MOB1B: variants seen among roughly 807,000 people sequenced by gnomAD.
MOB1B encodes MOB kinase activator 1B.
In MOB1B, 19 loss-of-function variants were observed where a neutral mutation model predicts 24.4. The ratio of observed to expected loss-of-function variants is 0.78; its 90% CI spans 0.54 to 1.14. The LOEUF (loss-of-function observed/expected upper bound fraction) is 1.14, where lower values mean the gene tolerates loss of function less well. Among genes scored for constraint, MOB1B ranks in the 50% most tolerant of loss-of-function variants. The pLI is 0.00. For synonymous variants in MOB1B, 76 were observed against 82.1 expected (o/e 0.93, Z 0.40); for missense variants, 243 against 259.6 (o/e 0.94, Z 0.44).
At chr4:70,976,710 T>G (rs947314313) in intron 4 of MOB1B, 4 of 884,838 alleles carry the variant, frequency 4.5e-6, no homozygotes, top group Non-Finnish European at 5.4e-6. Flanking sequence ...ATTAACCACT[T>G]GGAACTTTTT....
chr4:70,951,254 G>T (rs940321129), intron 1 of MOB1B, among the ~76,000 whole-genome samples: 2 of 152,050 alleles, frequency 1.3e-5, no homozygotes, highest in African/African-American at 2.4e-5. Context: ...TCTGCACCCC[G>T]CCAACCCCTG....
intron 1 of MOB1B, among the ~76,000 whole-genome samples, chr4:70,908,889 A>G (rs1295125653): frequency 1.3e-5 from 2 of 151,386 alleles, no homozygotes; most frequent in East Asian, 3.9e-4. Flanking sequence ...GTCTCTACTA[A>G]AAATAGAAAA....
chr4:70,950,115 T>C (rs1737741431), intron 1 of MOB1B, among the ~76,000 whole-genome samples: 2 of 152,010 alleles, frequency 1.3e-5, no homozygotes, highest in African/African-American at 2.4e-5. Flanking sequence ...AGGTAAAGCA[T>C]TGAGTAATGT....
chr4:70,916,264 G>T (rs1341587970), intron 1 of MOB1B, among the ~76,000 whole-genome samples: 1 of 152,164 alleles, frequency 6.6e-6, no homozygotes, highest in African/African-American at 2.4e-5. Flanking sequence ...TGGGTTTCTG[G>T]TCTCAGCACG....
intron 1 of MOB1B, among the ~76,000 whole-genome samples, chr4:70,904,004 G>A (rs1578336157): frequency 1.1e-5 from 1 of 92,382 alleles, no homozygotes; most frequent in Admixed American, 1.8e-4. Context: ...TTTTTGAGAC[G>A]GAGTCTCCGC....
chr4:70,946,729 A>C (rs1737597398), intron 1 of MOB1B, among the ~76,000 whole-genome samples: 1 of 152,162 alleles, frequency 6.6e-6, no homozygotes, highest in Non-Finnish European at 1.5e-5. Flanking sequence ...AAAAAGAAAC[A>C]CAAGTCACAG....
At chr4:70,968,156 C>CT (rs1211951973) in intron 2 of MOB1B, among the ~76,000 whole-genome samples, 1 of 151,768 alleles carries the variant, frequency 6.6e-6, no homozygotes, top group Non-Finnish European at 1.5e-5. Flanking sequence ...GGCCTATGCT[C>CT]TTTTTAAGAA....
intron 1 of MOB1B, among the ~76,000 whole-genome samples, chr4:70,941,380 T>C: frequency 6.6e-6 from 1 of 152,228 alleles, no homozygotes. Flanking sequence ...CTCGCTCTGT[T>C]GCCCAGGCTG....
intron 1 of MOB1B, among the ~76,000 whole-genome samples, chr4:70,928,303 T>G (rs1447629011): frequency 1.3e-5 from 2 of 151,952 alleles, no homozygotes; most frequent in Admixed American, 6.6e-5. Flanking sequence ...AATTTTGTTT[T>G]TTTTTTTTTT....
chr4:70,967,888 A>G (rs941606755), intron 2 of MOB1B, among the ~76,000 whole-genome samples: 2 of 152,052 alleles, frequency 1.3e-5, no homozygotes, highest in African/African-American at 2.4e-5. Context: ...GTGCAGTGGC[A>G]TGATATCATG....
intron 1 of MOB1B, among the ~76,000 whole-genome samples, chr4:70,957,807 G>GA (rs1382967788): frequency 6.7e-6 from 1 of 150,362 alleles, no homozygotes; most frequent in Non-Finnish European, 1.5e-5. Flanking sequence ...GCCCAAGGGG[G>GA]AGTGCTGTGT....
At chr4:70,934,582 T>C (rs773230177) in intron 1 of MOB1B, among the ~76,000 whole-genome samples, 22 of 151,812 alleles carry the variant, frequency 1.4e-4, no homozygotes, top group South Asian at 2.1e-4. Context: ...GCCTCCCGAG[T>C]AGCTGGGATT....
intron 1 of MOB1B, among the ~76,000 whole-genome samples, chr4:70,944,640 C>T (rs1578375489): frequency 1.3e-5 from 2 of 152,210 alleles, no homozygotes; most frequent in African/African-American, 4.8e-5. Context: ...GTACAGGAAG[C>T]ATCGTGGCAT....
chr4:70,977,680 A>G (rs1739058466), intron 4 of MOB1B, among the ~76,000 whole-genome samples: 1 of 151,990 alleles, frequency 6.6e-6, no homozygotes, highest in Admixed American at 6.6e-5. Context: ...TGAATACAGT[A>G]TACTATTCTT....
chr4:70,945,095 G>T (rs1470281008), intron 1 of MOB1B, among the ~76,000 whole-genome samples: 5 of 152,136 alleles, frequency 3.3e-5, no homozygotes, highest in Non-Finnish European at 4.4e-5. Flanking sequence ...TGGGTGGTAG[G>T]AATATTCCTG....
chr4:70,967,155 A>G (rs1279406148), intron 2 of MOB1B, among the ~76,000 whole-genome samples: 1 of 147,346 alleles, frequency 6.8e-6, no homozygotes, highest in East Asian at 2.0e-4. Context: ...TTTTTTTGAG[A>G]CGGAGTCTCG....
intron 1 of MOB1B, among the ~76,000 whole-genome samples, chr4:70,926,870 G>A (rs949278275): frequency 2.0e-5 from 3 of 151,982 alleles, no homozygotes; most frequent in Non-Finnish European, 4.4e-5. Flanking sequence ...GGTGGTGGGC[G>A]CCTGTAGTCC....
chr4:70,970,507 T>G lies in MOB1B; in HGVS notation c.275+483T>G, dbSNP rs186052673. ...CTATTCATATATGTTTTATTTAACC[T>G]GTTGGATTTGTTCTTTTAATTCCCT... On this transcript the variant is annotated intron_variant, in intron 3 of 5. Transcript: ENST00000309395. Among the ~76,000 whole-genome samples, 357 of 152,346 alleles carry G rather than the reference T, an allele frequency of 2.3e-3. 4 individuals carry two copies. The highest frequency in any genetic ancestry group is 8.1e-3 in the African/African-American group (337 of 41,576).
intron 1 of MOB1B, among the ~76,000 whole-genome samples, chr4:70,903,681 A>G (rs1379508585): frequency 6.6e-6 from 1 of 152,134 alleles, no homozygotes; most frequent in East Asian, 1.9e-4. Flanking sequence ...TAGTCATTAC[A>G]TTGACGTCTG....
Sources: gnomAD v4.1 joint callset for allele counts (sites outside exome capture counted in the v4.1 genomes callset) on GRCh38, gnomAD v4.1.1 for gene constraint, MANE v1.5 for transcripts, NCBI Gene and HGNC (gene_info 2026-07-23, HGNC 2026-07-21) for gene names.